SRPX2: variants seen among roughly 807,000 people sequenced by gnomAD.
The protein encoded by SRPX2 is sushi repeat-containing protein SRPX2.
Under a neutral mutation model 45.3 loss-of-function variants are expected in SRPX2, and 26 were observed. The ratio of observed to expected loss-of-function variants is 0.57; its 90% confidence interval spans 0.42 to 0.80. SRPX2 has a LOEUF of 0.80. Among genes scored for constraint, SRPX2 ranks in the 30% least tolerant of loss-of-function variants. The pLI is 0.00. For missense variants in SRPX2, 355 were observed against 399.8 expected, an observed-to-expected ratio of 0.89 and a Z score of 0.95; for synonymous variants, 125 against 143.7, an observed-to-expected ratio of 0.87 and a Z score of 0.93.
At chrX:100,656,856 C>T (rs150119319) in intron 3 of SRPX2, among the ~76,000 whole-genome samples, 5 of 111,184 alleles carry the variant, frequency 4.5e-5, no homozygotes, top group Admixed American at 9.5e-5. Context: ...CTGAATCATA[C>T]GGTAGTGCTA....
intron 8 of SRPX2, 24 bp downstream of exon 8, chrX:100,666,957 C>A: frequency 8.3e-7 from 1 of 1,199,572 alleles, no homozygotes; most frequent in South Asian, 1.8e-5. Context: ...GGGAATGGGG[C>A]AAGTGGATGT....
At chrX:100,646,096 A>C (rs1319117753) in intron 1 of SRPX2, 97 bp from the exon 2 acceptor site, 1 of 414,966 alleles carries the variant, frequency 2.4e-6, no homozygotes, top group East Asian at 4.1e-5. Flanking sequence ...CATAAATAAC[A>C]AACAGAGTCT....
intron 2 of SRPX2, chrX:100,650,402 T>A: frequency 4.8e-6 from 1 of 206,193 alleles, no homozygotes; most frequent in Non-Finnish European, 9.0e-6. Context: ...GGGACCACAG[T>A]CCATTCTCAG....
intron 1 of SRPX2, among the ~76,000 whole-genome samples, chrX:100,645,900 A>G (rs1220096757): frequency 1.8e-5 from 2 of 111,766 alleles, no homozygotes; most frequent in African/African-American, 6.5e-5. Context: ...ATGAAACCTA[A>G]TGGCAGCCTT....
At chrX:100,666,538 G>A (rs768956970) in intron 7 of SRPX2, among the ~76,000 whole-genome samples, 1 of 112,323 alleles carries the variant, frequency 8.9e-6, no homozygotes, top group Non-Finnish European at 1.9e-5. Context: ...ATATTCACCT[G>A]TGTTTCCAGA....
rs2083263956 is a variant in SRPX2, at chrX:100,675,736, T to C, written c.*4749T>C. ...CTGTTTTTAAGTTAAGTGAACCTTA[T>C]AAAGACATAAGAAAAAATGGACTCT... On this transcript the variant is annotated 3_prime_UTR_variant, in exon 11 of 11. Coordinates refer to ENST00000373004, the MANE Select transcript of SRPX2 (RefSeq NM_014467.3). The C allele has an allele frequency of 4.4e-6, 1 of 229,082 alleles. No individual in the cohort carries two copies. Among genetic ancestry groups the C allele is most frequent in the African/African-American group, 2.9e-5 (1 of 34,845 alleles). 18.9% of individuals were successfully genotyped at this position (229,082 alleles called of 1,213,427 possible). A position where few individuals can be genotyped will look rare whatever the true frequency, so the allele number is the denominator to read the frequency against.
intron 3 of SRPX2, among the ~76,000 whole-genome samples, chrX:100,660,496 G>C (rs901507872): frequency 1.8e-5 from 2 of 111,915 alleles, no homozygotes; most frequent in African/African-American, 6.5e-5. Flanking sequence ...TCATTCTTTT[G>C]TATGAATACA....
In SRPX2 at chrX:100,673,516, C is replaced by G. The variant is rs1050736719; in HGVS notation, c.*2529C>G. The G allele has an allele frequency of 9.1e-6, 1 of 110,341 alleles. No individual in the cohort carries two copies. The highest frequency in any genetic ancestry group is 1.9e-5 in the Non-Finnish European group (1 of 52,887). The allele number at this position is 110,341 out of a possible 1,213,427, so 9.1% of individuals were successfully genotyped here. On this transcript the variant is annotated 3_prime_UTR_variant, in exon 11 of 11. Transcript: ENST00000373004. ...CCTCTCTCTCTGCCCACCTCTCCCC[C>G]ACTTCTCCCCACTGCCCCATTCTCT...
chrX:100,654,682 G>C (rs1361704879), intron 3 of SRPX2, among the ~76,000 whole-genome samples: 1 of 111,611 alleles, frequency 9.0e-6, no homozygotes, highest in Non-Finnish European at 1.9e-5. Context: ...TTTAGATTCA[G>C]AGAGTCACAG....
At chrX:100,650,957 C>T (rs943355353) in intron 3 of SRPX2, 92 bp downstream of exon 3, 16 of 718,233 alleles carry the variant, frequency 2.2e-5, no homozygotes, top group Non-Finnish European at 3.4e-5. Context: ...GCTTGGCTCA[C>T]ATGTGTCAAA....
Position 100,675,690 on chromosome X carries a change from G to A in SRPX2, c.*4703G>A. 1 of 151,189 alleles carries A rather than the reference G, an allele frequency of 6.6e-6. No individual in the cohort carries two copies. Among genetic ancestry groups the A allele is most frequent in the Non-Finnish European group, 1.3e-5 (1 of 78,488 alleles). 12.5% of individuals were successfully genotyped at this position (151,189 alleles called of 1,213,427 possible). ...TAGGAACAATGATAGCAAGACAGAA[G>A]ATAAAAAGTTGTTTTAAAAGCTGTT... is the stretch of plus-strand genomic sequence containing the variant. On this transcript the variant is annotated 3_prime_UTR_variant, in exon 11 of 11. Coordinates refer to ENST00000373004, the MANE Select transcript of SRPX2 (RefSeq NM_014467.3).
intron 6 of SRPX2, 52 bp downstream of exon 6, chrX:100,665,421 C>A (rs760496598): frequency 2.4e-5 from 29 of 1,204,513 alleles, no homozygotes; most frequent in African/African-American, 5.2e-5. Context: ...TTCTCTCAGT[C>A]ATTCAGGCTG....
intron 10 of SRPX2, 41 bp downstream of exon 10, chrX:100,669,410 C>CGCAAAGGGGGGGGGGGGGGGGGGGGG (rs2083215805): frequency 2.9e-5 from 1 of 34,687 alleles, no homozygotes; most frequent in African/African-American, 3.7e-4. Context: ...GGAGGGGGGG[C>CGCAAAGGGGGGGGGGGGGGGGGGGGG]TGGGGCGGGG....
chrX:100,649,266 T>C (rs1410247943), intron 2 of SRPX2: 4 of 110,432 alleles, frequency 3.6e-5, no homozygotes, highest in African/African-American at 6.7e-5. Flanking sequence ...CCTAATACTT[T>C]AGGGAATCAC....
chrX:100,669,281 A>G lies in SRPX2; in HGVS notation c.1129A>G (p.Thr377Ala), dbSNP rs1355036934. Residue 377 changes from threonine to alanine, a missense_variant, in exon 10 of 11, where the codon ACC (threonine) becomes GCC (alanine). Coordinates refer to ENST00000373004, the MANE Select transcript of SRPX2 (RefSeq NM_014467.3). Reference protein sequence around the residue: ...STCGLDLRHVTIIELVGQPPQ... With the variant: ...STCGLDLRHVAIIELVGQPPQ... Reference sequence around the variant, plus strand: ...CTGTGGACTGGATTTGCGGCATGTGACCATCATTGAACTGGTGGGACAGCC... The same window carrying G: ...CTGTGGACTGGATTTGCGGCATGTGGCCATCATTGAACTGGTGGGACAGCC... 4 of 1,209,946 alleles carry G rather than the reference A, an allele frequency of 3.3e-6. No homozygotes were observed. The highest frequency in any genetic ancestry group is 4.5e-6 in the Non-Finnish European group (4 of 895,014).
Position 100,666,952 on chromosome X carries a change from T to C in SRPX2, c.961+19T>C. On this transcript the variant is annotated intron_variant, in intron 8 of 10. Transcript: ENST00000373004. ...TGTGCTCGTGAGTGAAACCGGGGAA[T>C]GGGGCAAGTGGATGTGGTGATCAGG... The C allele has an allele frequency of 1.7e-6, 2 of 1,200,995 alleles. No individual in the cohort carries two copies. The highest frequency in any genetic ancestry group is 2.2e-6 in the Non-Finnish European group (2 of 890,061).
At chrX:100,661,286 T>C (rs764865037) in intron 3 of SRPX2, among the ~76,000 whole-genome samples, 10 of 111,934 alleles carry the variant, frequency 8.9e-5, no homozygotes, top group Non-Finnish European at 1.9e-4. Flanking sequence ...TTGCCATCGG[T>C]GTAGCCTATT....
intron 9 of SRPX2, among the ~76,000 whole-genome samples, chrX:100,668,870 C>T (rs2083213501): frequency 8.9e-6 from 1 of 112,047 alleles, no homozygotes; most frequent in South Asian, 3.7e-4. Context: ...ATTATGTCTA[C>T]AAAGCATTAG....
At chrX:100,647,569 A>G (rs2083139442) in intron 2 of SRPX2, among the ~76,000 whole-genome samples, 1 of 112,086 alleles carries the variant, frequency 8.9e-6, no homozygotes, top group Non-Finnish European at 1.9e-5. Flanking sequence ...TAAATATGCA[A>G]CTGTCCTCCC....
Sources: allele counts gnomAD v4.1 joint callset (sites outside exome capture counted in the v4.1 genomes callset), GRCh38; gene constraint gnomAD v4.1.1; transcripts MANE v1.5; gene names NCBI Gene and HGNC (gene_info 2026-07-23, HGNC 2026-07-21).